The following PGAP2 variants were observed in gnomAD, a reference collection of about 807,000 sequenced individuals.
The protein encoded by PGAP2 is acyltransferase PGAP2.
A neutral mutation model predicts 33.2 loss-of-function variants in PGAP2; 21 were observed. The observed-to-expected ratio is 0.63, with a 90% CI of 0.45 to 0.91. PGAP2 has a LOEUF of 0.91. Among genes scored for constraint, PGAP2 ranks in the 40% least tolerant of loss-of-function variants. PGAP2 has a pLI of 0.00. For synonymous variants in PGAP2, 161 were observed against 172.9 expected (o/e 0.93, Z 0.54); for missense variants, 345 against 424.0 (o/e 0.81, Z 1.64).
chr11:3,812,942 T>C (rs567112207), intron 2 of PGAP2, among the ~76,000 whole-genome samples: 1 of 152,314 alleles, frequency 6.6e-6, no homozygotes, highest in South Asian at 2.1e-4. Flanking sequence ...AGGAGTACCC[T>C]TTTGTGACCT....
upstream of PGAP2, among the ~76,000 whole-genome samples, chr11:3,804,981 C>T (rs190245283): frequency 1.4e-3 from 206 of 152,248 alleles, no homozygotes; most frequent in Non-Finnish European, 1.9e-3. Context: ...GGATTACAGG[C>T]GTGAGCCACC....
Position 3,823,929 on chromosome 11 carries a change from T to A in PGAP2, c.395T>A (p.Val132Glu). 5 of 1,593,486 alleles carry A rather than the reference T, an allele frequency of 3.1e-6. No homozygotes were observed. Among genetic ancestry groups the A allele is most frequent in the Non-Finnish European group, 4.3e-6 (5 of 1,176,358 alleles). Reference protein sequence around the residue: ...PSVSSAIGGEVPQRYVWRFCI... With the variant: ...PSVSSAIGGEEPQRYVWRFCI... ...GTGAGCTCAGCCATCGGCGGGGAGG[T>A]GCCCCAGCGCTACGTGTGGCGTTTC... The change falls in exon 4 of 7, where the codon GTG becomes GAG. Residue 132 changes from valine to glutamate, a missense_variant. Coordinates refer to ENST00000278243, the MANE Select transcript of PGAP2 (RefSeq NM_014489.4).
upstream of PGAP2, among the ~76,000 whole-genome samples, chr11:3,804,922 G>A (rs551282764): frequency 2.4e-4 from 37 of 152,266 alleles, no homozygotes; most frequent in Non-Finnish European, 3.8e-4. Flanking sequence ...GACTGGTCTC[G>A]AACTCGTGAC....
At chr11:3,821,489 G>T (rs2088618940) in intron 3 of PGAP2, among the ~76,000 whole-genome samples, 1 of 152,208 alleles carries the variant, frequency 6.6e-6, no homozygotes, top group South Asian at 2.1e-4. Context: ...TGGGGGTGGT[G>T]GCTCACGCCT....
At chr11:3,810,771 G>A (rs2085384562) in intron 1 of PGAP2, among the ~76,000 whole-genome samples, 1 of 152,200 alleles carries the variant, frequency 6.6e-6, no homozygotes, top group Non-Finnish European at 1.5e-5. Flanking sequence ...TGAAGGTGCA[G>A]GAGGGCCCTG....
At chr11:3,810,041 C>T (rs972242195) in intron 1 of PGAP2, among the ~76,000 whole-genome samples, 5 of 152,208 alleles carry the variant, frequency 3.3e-5, no homozygotes, top group African/African-American at 1.2e-4. Context: ...CTGGAGCCAG[C>T]CCTAGCTTGG....
chr11:3,803,841 A>G (rs956527417), upstream of PGAP2, among the ~76,000 whole-genome samples: 7 of 150,736 alleles, frequency 4.6e-5, no homozygotes, highest in African/African-American at 1.7e-4. Flanking sequence ...CCCAGGCTGG[A>G]GTGCAGTGGT....
chr11:3,815,686 G>C (rs1565018222), intron 2 of PGAP2, among the ~76,000 whole-genome samples: 1 of 152,160 alleles, frequency 6.6e-6, no homozygotes, highest in Non-Finnish European at 1.5e-5. Context: ...AGGTGGCCTG[G>C]GCAGTACAGG....
chr11:3,820,087 G>A (rs1009287921), intron 3 of PGAP2, among the ~76,000 whole-genome samples: 2 of 152,158 alleles, frequency 1.3e-5, no homozygotes, highest in Non-Finnish European at 2.9e-5. Flanking sequence ...GCTTTAGATG[G>A]TGGTCCTGTT....
intron 2 of PGAP2, among the ~76,000 whole-genome samples, chr11:3,813,027 C>T (rs1261949611): frequency 6.6e-6 from 1 of 152,112 alleles, no homozygotes; most frequent in Non-Finnish European, 1.5e-5. Flanking sequence ...CCTGATCATC[C>T]CGCAAAACCC....
At chr11:3,814,773 T>TTTCC (rs2086476747) in intron 2 of PGAP2, among the ~76,000 whole-genome samples, 1 of 101,502 alleles carries the variant, frequency 9.9e-6, no homozygotes, top group South Asian at 3.5e-4. Context: ...TCTTTCTTTC[T>TTTCC]TTCTTTCTTT....
intron 3 of PGAP2, among the ~76,000 whole-genome samples, chr11:3,819,712 T>C (rs2088053486): frequency 6.6e-6 from 1 of 152,128 alleles, no homozygotes; most frequent in Admixed American, 6.6e-5. Context: ...AAGTTTGGGG[T>C]GAGCTGTGTA....
At chr11:3,797,824 C>A in exon 1 of PGAP2, 1 of 1,549,492 alleles carries the variant, frequency 6.5e-7, no homozygotes. Flanking sequence ...CACACAGGGC[C>A]TCTCGAAGTG....
chr11:3,823,666 A>C, intron 3 of PGAP2: 3 of 1,554,490 alleles, frequency 1.9e-6, no homozygotes, highest in Non-Finnish European at 2.6e-6. Flanking sequence ...CTGCTGCACA[A>C]ATCCCAGGAT....
At chr11:3,809,737 G>C (rs972341616) in intron 1 of PGAP2, among the ~76,000 whole-genome samples, 1 of 152,172 alleles carries the variant, frequency 6.6e-6, no homozygotes, top group Non-Finnish European at 1.5e-5. Context: ...TTCTGGGAGG[G>C]TCACCAGAGC....
rs1565064285 is a variant in PGAP2 at position 3,824,726 on chromosome 11, T to C, written c.709-294T>C. ...CCCACCCATGTACATGGGTTTCTTT[T>C]CCCCCACAGTATTTGGAGGTGGGGT... is the stretch of plus-strand genomic sequence containing the variant. On this transcript the variant is annotated intron_variant, in intron 5 of 6. Transcript: ENST00000278243. 3.4e-6 allele frequency: 4 copies of C among 1,190,980 alleles called. No individual in the cohort carries two copies. The East Asian group carries it at 1.0e-4, about 31-fold the overall frequency. 73.8% of individuals were successfully genotyped at this position (1,190,980 alleles called of 1,614,324 possible).
At chr11:3,813,663 C>T (rs981259486) in intron 2 of PGAP2, among the ~76,000 whole-genome samples, 2 of 152,144 alleles carry the variant, frequency 1.3e-5, no homozygotes, top group African/African-American at 2.4e-5. Context: ...GGATTATAGG[C>T]GTGAGCCACT....
intron 2 of PGAP2, among the ~76,000 whole-genome samples, chr11:3,812,629 G>A (rs907935926): frequency 6.6e-6 from 1 of 152,200 alleles, no homozygotes; most frequent in Non-Finnish European, 1.5e-5. Flanking sequence ...TGGAGAAGAG[G>A]CAGATTCTGC....
intron 3 of PGAP2, chr11:3,818,057 C>CAAAAAAAAAAAAAAAAAAAA (rs879534196): frequency 6.7e-6 from 1 of 149,998 alleles, no homozygotes; most frequent in Non-Finnish European, 1.4e-5. Context: ...AAAAACAAAA[C>CAAAAAAAAAAAAAAAAAAAA]AAAATAAAAA....
Sources: allele counts gnomAD v4.1 joint callset (sites outside exome capture counted in the v4.1 genomes callset), GRCh38; gene constraint gnomAD v4.1.1; transcripts MANE v1.5; gene names NCBI Gene and HGNC (gene_info 2026-07-23, HGNC 2026-07-21).